The following PTPRC variants were observed in gnomAD, a reference collection of about 807,000 sequenced individuals.
PTPRC encodes the protein receptor-type tyrosine-protein phosphatase C.
A neutral mutation model predicts 155.9 loss-of-function variants in PTPRC; 44 were observed. That is an observed-to-expected ratio of 0.28 (90% CI 0.22 to 0.36). The LOEUF (loss-of-function observed/expected upper bound fraction) is 0.36. PTPRC is among the 10% of genes least tolerant of loss of function. PTPRC has a pLI of 1.00. For synonymous variants in PTPRC, 525 were observed against 533.1 expected (o/e 0.98, Z 0.21); for missense variants, 1,401 against 1,564.6 (o/e 0.90, Z 1.76).
rs770486723 is a variant in PTPRC, at chr1:198,744,137, A to G, written c.2781A>G (p.Pro927=). The G allele has an allele frequency of 3.7e-6, 6 of 1,604,866 alleles. No individual in the cohort carries two copies. Among genetic ancestry groups the G allele is most frequent in the South Asian group, 3.3e-5 (3 of 90,886 alleles). ...ETEVNLSELH[P]YLHNMKKRDP... ...AAGTGAATTTGTCTGAATTACATCC[A>G]TATCTACATAACATGAAGAAAAGGG... The change falls in exon 26 of 33, where the codon CCA becomes CCG. Residue 927 remains proline, a synonymous_variant. Transcript: ENST00000442510.
chr1:198,731,681 G>C lies in PTPRC; in HGVS notation c.1929G>C (p.Lys643Asn), dbSNP rs188500261. The C allele has an allele frequency of 6.2e-7, 1 of 1,611,584 alleles. No homozygotes were observed. Among genetic ancestry groups the C allele is most frequent in the Non-Finnish European group, 8.5e-7 (1 of 1,178,138 alleles). ...CAGATATTTTGTTGGAAACTTATAA[G>C]AGGAAGATTGCTGATGAAGGAAGAC... is the stretch of plus-strand genomic sequence containing the variant. ...IHADILLETY[K>N]RKIADEGRLF... Residue 643 changes from lysine (K) to asparagine (N), a missense_variant, in exon 18 of 33, where the codon AAG becomes AAC. Coordinates refer to ENST00000442510, the MANE Select transcript of PTPRC (RefSeq NM_002838.5).
At chr1:198,728,292 C>A (rs1453819084) in intron 15 of PTPRC, 48 bp from the exon 16 acceptor site, 2 of 1,467,346 alleles carry the variant, frequency 1.4e-6, no homozygotes, top group East Asian at 2.3e-5. Flanking sequence ...ACCAGTCTAG[C>A]AAGTTATTTG....
chr1:198,639,866 A>G (rs1662475401), intron 2 of PTPRC, among the ~76,000 whole-genome samples: 1 of 152,050 alleles, frequency 6.6e-6, no homozygotes. Flanking sequence ...GTTCAAAAAT[A>G]TATTGAGATA....
At chr1:198,690,499 A>C (rs184794735) in intron 2 of PTPRC, among the ~76,000 whole-genome samples, 1 of 152,214 alleles carries the variant, frequency 6.6e-6, no homozygotes, top group East Asian at 1.9e-4. Context: ...AAAAAGAGAA[A>C]TGTAATGAGA....
At chr1:198,716,567 C>T in intron 12 of PTPRC, 115 bp from the exon 13 acceptor site, 1 of 862,814 alleles carries the variant, frequency 1.2e-6, no homozygotes, top group Non-Finnish European at 1.9e-6. Context: ...ATTTTTCAAT[C>T]ACTCAATAGT....
rs563770736 is a variant in PTPRC at position 198,639,465 on chromosome 1, C to T, written c.73+124C>T. 1.2e-4 allele frequency: 85 copies of T among 739,024 alleles called. 1 individual carries two copies. The highest frequency in any genetic ancestry group is 9.7e-4 in the East Asian group (35 of 36,166). The allele number at this position is 739,024 out of a possible 1,614,324, so 45.8% of individuals were successfully genotyped here. A position where few individuals can be genotyped will look rare whatever the true frequency, so the allele number is the denominator to read the frequency against. ...AAGTGAGAAGCCTGCTGTAAACCATCAAGATTGTTGTCTCAGGGAGACATA... is the reference window on the plus strand; with the variant it reads ...AAGTGAGAAGCCTGCTGTAAACCATTAAGATTGTTGTCTCAGGGAGACATA... On this transcript the variant is annotated intron_variant, in intron 2 of 32. Transcript: ENST00000442510.
intron 2 of PTPRC, among the ~76,000 whole-genome samples, chr1:198,659,001 T>A (rs968422137): frequency 1.3e-5 from 2 of 152,182 alleles, no homozygotes; most frequent in African/African-American, 2.4e-5. Context: ...AGGAAAAGAA[T>A]TTTCTTTCCA....
chr1:198,708,703 C>T (rs1276952489), intron 10 of PTPRC, among the ~76,000 whole-genome samples: 1 of 152,126 alleles, frequency 6.6e-6, no homozygotes, highest in Non-Finnish European at 1.5e-5. Flanking sequence ...AAAATTCATA[C>T]ACAAGTTCAA....
intron 2 of PTPRC, chr1:198,679,046 G>T: frequency 5.8e-6 from 1 of 173,220 alleles, no homozygotes; most frequent in Non-Finnish European, 1.2e-5. Context: ...AGGGGAGCCG[G>T]AAGAGGAGAA....
intron 13 of PTPRC, among the ~76,000 whole-genome samples, chr1:198,717,098 C>T (rs1419723513): frequency 6.6e-6 from 1 of 152,178 alleles, no homozygotes; most frequent in Non-Finnish European, 1.5e-5. Context: ...TGTGCAATTT[C>T]ATGCAGTTAA....
chr1:198,752,514 T>C, intron 30 of PTPRC, 80 bp from the exon 31 acceptor site: 1 of 1,527,750 alleles, frequency 6.5e-7, no homozygotes, highest in Non-Finnish European at 9.0e-7. Flanking sequence ...TAGAAGTAAC[T>C]GTGAAGAAAA....
rs2102538291 is a variant in PTPRC at position 198,749,505 on chromosome 1, G to T, written c.3028G>T (p.Asp1010Tyr). The T allele has an allele frequency of 3.1e-6, 5 of 1,610,764 alleles. No individual in the cohort carries two copies. Among genetic ancestry groups the T allele is most frequent in the Non-Finnish European group, 4.2e-6 (5 of 1,177,964 alleles). ...DSDESSDDDS[D>Y]SEEPSKYINA... ...AGATGAATCCTCTGATGATGACAGT[G>T]ATTCAGAGGAACCAAGCAAATACAT... Residue 1010 changes from aspartate to tyrosine, a missense_variant, in exon 28 of 33, where the codon GAT (aspartate) becomes TAT (tyrosine). By Grantham distance (160) the Asp-to-Tyr change is radical. Transcript: ENST00000442510.
rs1462857089 is a variant in PTPRC, at chr1:198,756,392, T to TCTC, written c.*212_*214dup. ...GACGTATGCTTATTTTAAAATTTTA[T>TCTC]CTCTTATTCAGTAAAAAACAACTTC... is the stretch of plus-strand genomic sequence containing the variant. On this transcript the variant is annotated 3_prime_UTR_variant, in exon 33 of 33. Transcript: ENST00000442510. 17 of 641,290 alleles carry TCTC rather than the reference T, an allele frequency of 2.7e-5. No individual in the cohort carries two copies. The highest frequency in any genetic ancestry group is 3.4e-5 in the Non-Finnish European group (13 of 385,310). 39.7% of individuals were successfully genotyped at this position (641,290 alleles called of 1,614,324 possible).
chr1:198,721,831 T>C (rs1243700841), intron 14 of PTPRC, among the ~76,000 whole-genome samples: 2 of 151,498 alleles, frequency 1.3e-5, no homozygotes, highest in Non-Finnish European at 3.0e-5. Flanking sequence ...ATTATTCAAA[T>C]ATATTTTACT....
chr1:198,668,004 G>A (rs1664417176), intron 2 of PTPRC, among the ~76,000 whole-genome samples: 1 of 152,308 alleles, frequency 6.6e-6, no homozygotes, highest in African/African-American at 2.4e-5. Context: ...AGCTTACAAT[G>A]TTAGCTTGTA....
chr1:198,696,167 A>AATAT (rs58023006), intron 3 of PTPRC, among the ~76,000 whole-genome samples: 180 of 145,854 alleles, frequency 1.2e-3, no homozygotes, highest in South Asian at 0.011. Flanking sequence ...TCAAAAAGAA[A>AATAT]ATATATATAT....
At chr1:198,719,207 T>C (rs772866525) in intron 14 of PTPRC, among the ~76,000 whole-genome samples, 6 of 152,082 alleles carry the variant, frequency 3.9e-5, no homozygotes, top group Non-Finnish European at 5.9e-5. Flanking sequence ...AAATGACTGC[T>C]TCTTGAGAGG....
rs781280954 is a variant in PTPRC, at chr1:198,756,684, T to G, written c.*503T>G. ...GTCCTCCTTGTTCTACTCATATATA[T>G]CTATCTTATATAGTTTACTATTTTA... On this transcript the variant is annotated 3_prime_UTR_variant, in exon 33 of 33. Coordinates refer to ENST00000442510, the MANE Select transcript of PTPRC (RefSeq NM_002838.5). 3.9e-4 allele frequency: 63 copies of G among 161,418 alleles called. No individual in the cohort carries two copies. The highest frequency in any genetic ancestry group is 1.8e-3 in the South Asian group (11 of 6,120). The allele number at this position is 161,418 out of a possible 1,614,324, so 10.0% of individuals were successfully genotyped here.
intron 10 of PTPRC, among the ~76,000 whole-genome samples, chr1:198,708,569 T>C (rs1163556375): frequency 6.6e-6 from 1 of 152,198 alleles, no homozygotes. Context: ...ACAGGCATTG[T>C]TGAAGAGATC....
Sources: gnomAD v4.1 joint callset for allele counts (sites outside exome capture counted in the v4.1 genomes callset) on GRCh38, gnomAD v4.1.1 for gene constraint, MANE v1.5 for transcripts, NCBI Gene and HGNC (gene_info 2026-07-23, HGNC 2026-07-21) for gene names.